The following RALYL variants were observed in gnomAD, a reference collection of about 807,000 sequenced individuals.
RALYL encodes the protein RALY RNA binding protein like, also known as RNA-binding Raly-like protein.
In RALYL, 29 loss-of-function variants were observed where a neutral mutation model predicts 35.1. The observed-to-expected ratio is 0.83, with a 90% CI of 0.61 to 1.13. RALYL has a LOEUF of 1.13. RALYL is among the 50% of genes most tolerant of loss of function. The probability of loss-of-function intolerance (pLI) is 0.00; values close to 1 mark genes in which losing one functional copy is unlikely to be tolerated. For synonymous variants in RALYL, 120 were observed against 127.6 expected, an observed-to-expected ratio of 0.94 and a Z score of 0.40; for missense variants, 359 against 360.4, an observed-to-expected ratio of 1.00 and a Z score of 0.03.
intron 8 of RALYL, among the ~76,000 whole-genome samples, chr8:84,918,723 T>A (rs1334834740): frequency 6.6e-6 from 1 of 152,150 alleles, no homozygotes; most frequent in African/African-American, 2.4e-5. Context: ...TTTGTGAATA[T>A]GTTTTGACAT....
chr8:84,225,578 A>G (rs1386366602), intron 1 of RALYL, among the ~76,000 whole-genome samples: 1 of 152,090 alleles, frequency 6.6e-6, no homozygotes, highest in Non-Finnish European at 1.5e-5. Context: ...AATATTGGCT[A>G]TTTCTCTCTC....
intron 1 of RALYL, among the ~76,000 whole-genome samples, chr8:84,254,495 C>T (rs977023239): frequency 1.3e-5 from 2 of 151,986 alleles, no homozygotes; most frequent in Non-Finnish European, 2.9e-5. Context: ...GTGCCTTTGA[C>T]ACTGGGACAT....
intron 1 of RALYL, among the ~76,000 whole-genome samples, chr8:84,237,905 T>A (rs1334551661): frequency 6.6e-6 from 1 of 150,974 alleles, no homozygotes; most frequent in African/African-American, 2.4e-5. Flanking sequence ...AAGAGAAAGG[T>A]ACACCAAAAG....
intron 5 of RALYL, among the ~76,000 whole-genome samples, chr8:84,850,985 G>A (rs1228239446): frequency 6.6e-6 from 1 of 152,106 alleles, no homozygotes; most frequent in Non-Finnish European, 1.5e-5. Flanking sequence ...AGAGTCTCTT[G>A]AGTAGAGGAG....
chr8:84,502,942 G>A (rs2134249939), intron 1 of RALYL, among the ~76,000 whole-genome samples: 1 of 151,244 alleles, frequency 6.6e-6, no homozygotes, highest in East Asian at 1.9e-4. Context: ...ATAATTTAGA[G>A]TATAATTTGA....
chr8:84,695,093 G>A (rs1474369287), intron 2 of RALYL, among the ~76,000 whole-genome samples: 1 of 151,638 alleles, frequency 6.6e-6, no homozygotes, highest in African/African-American at 2.4e-5. Context: ...CCTTGATTTG[G>A]TATTTTTATT....
At position 84,773,961 on chromosome 8, in the gene RALYL, A is replaced by C. The variant is rs568659924; in HGVS notation, c.257-618A>C. Among the ~76,000 whole-genome samples, 3 of 152,260 alleles carry C rather than the reference A, an allele frequency of 2.0e-5. No homozygotes were observed. The South Asian group carries it at 6.2e-4, about 32-fold the overall frequency. ...TGGCCAGTCACAGCGGCTCACACCT[A>C]TAATCCCAACACTTCGGGAGGCTGA... On this transcript the variant is annotated intron_variant, in intron 2 of 8. Coordinates refer to ENST00000521268, the MANE Select transcript of RALYL (RefSeq NM_173848.7).
At chr8:84,810,795 A>G (rs147098471) in intron 4 of RALYL, among the ~76,000 whole-genome samples, 527 of 152,264 alleles carry the variant, frequency 3.5e-3, no homozygotes, top group Non-Finnish European at 5.9e-3. Context: ...TTTGTCTGAT[A>G]TAAGAATAGT....
intron 1 of RALYL, among the ~76,000 whole-genome samples, chr8:84,434,100 G>A (rs2047444457): frequency 6.6e-6 from 1 of 151,992 alleles, no homozygotes; most frequent in Non-Finnish European, 1.5e-5. Context: ...AAGATCAAGG[G>A]TTGGCAGGGC....
chr8:84,268,403 A>G (rs965394899), intron 1 of RALYL, among the ~76,000 whole-genome samples: 1 of 152,186 alleles, frequency 6.6e-6, no homozygotes, highest in African/African-American at 2.4e-5. Flanking sequence ...GCAATTTAAT[A>G]TGTAATATGT....
At chr8:84,836,417 T>C (rs534010651) in intron 4 of RALYL, among the ~76,000 whole-genome samples, 5 of 152,194 alleles carry the variant, frequency 3.3e-5, no homozygotes, top group Non-Finnish European at 5.9e-5. Flanking sequence ...TGTGAAGATA[T>C]CATAATTATT....
chr8:84,734,165 A>G (rs1256009096), intron 2 of RALYL, among the ~76,000 whole-genome samples: 1 of 152,154 alleles, frequency 6.6e-6, no homozygotes, highest in Admixed American at 6.6e-5. Flanking sequence ...ATCTCTGTTT[A>G]CTGCTGAATA....
chr8:84,458,574 T>G (rs1191080888), intron 1 of RALYL, among the ~76,000 whole-genome samples: 1 of 151,766 alleles, frequency 6.6e-6, no homozygotes, highest in Non-Finnish European at 1.5e-5. Context: ...TTTCCTTTCT[T>G]TCTTCTTGAG....
chr8:84,352,741 C>T lies in RALYL; in HGVS notation c.-24+168317C>T, dbSNP rs1039750049. 1.7e-4 allele frequency among the ~76,000 whole-genome samples: 25 copies of T among 150,208 alleles called. 1 individual carries two copies. The highest frequency in any genetic ancestry group is 4.4e-5 in the Non-Finnish European group (3 of 67,698). On this transcript the variant is annotated intron_variant, in intron 1 of 8. Transcript: ENST00000521268. ...TTCTCATTACAATCCTGTGGGTTAG[C>T]TATTGTTATCTTCCTTTTTCACATA...
chr8:84,735,935 C>T (rs185235236), intron 2 of RALYL, among the ~76,000 whole-genome samples: 2 of 151,710 alleles, frequency 1.3e-5, no homozygotes, highest in African/African-American at 4.8e-5. Context: ...CCTTGGAGAC[C>T]AGCCTCACAG....
At position 84,921,351 on chromosome 8, in the gene RALYL, C is replaced by T. The variant is rs1441001345; in HGVS notation, c.*440C>T. ...CATGTAAGAAAAGATGCATCTTATG[C>T]TAGTTTTTATAATTTATTTATAATT... On this transcript the variant is annotated 3_prime_UTR_variant, in exon 9 of 9. Transcript: ENST00000521268. The T allele has an allele frequency of 6.6e-6, 1 of 152,486 alleles. No individual in the cohort carries two copies. The highest frequency in any genetic ancestry group is 1.5e-5 in the Non-Finnish European group (1 of 68,278). The allele number at this position is 152,486 out of a possible 1,614,324, so 9.4% of individuals were successfully genotyped here. A position where few individuals can be genotyped will look rare whatever the true frequency, so the allele number is the denominator to read the frequency against.
chr8:84,318,589 A>G (rs1844206808), intron 1 of RALYL, among the ~76,000 whole-genome samples: 1 of 152,124 alleles, frequency 6.6e-6, no homozygotes, highest in Non-Finnish European at 1.5e-5. Flanking sequence ...TTTGCTCACT[A>G]ATTTTCTTTT....
intron 1 of RALYL, among the ~76,000 whole-genome samples, chr8:84,247,230 AG>A (rs1829283287): frequency 1.3e-5 from 2 of 152,194 alleles, no homozygotes; most frequent in African/African-American, 4.8e-5. Flanking sequence ...TTCCTATTAG[AG>A]GAGCAAATAT....
At chr8:84,731,622 G>A (rs1158196673) in intron 2 of RALYL, among the ~76,000 whole-genome samples, 1 of 152,064 alleles carries the variant, frequency 6.6e-6, no homozygotes, top group Non-Finnish European at 1.5e-5. Context: ...CTGGGCTACT[G>A]CAGTTGCCTT....
Sources: gnomAD v4.1 joint callset for allele counts (sites outside exome capture counted in the v4.1 genomes callset) on GRCh38, gnomAD v4.1.1 for gene constraint, MANE v1.5 for transcripts, NCBI Gene and HGNC (gene_info 2026-07-23, HGNC 2026-07-21) for gene names.